The following OLFM3 variants were observed in gnomAD, a reference collection of about 807,000 sequenced individuals.
OLFM3 encodes olfactomedin 3.
Under a neutral mutation model 48.6 loss-of-function variants are expected in OLFM3, and 20 were observed. The ratio of observed to expected loss-of-function variants is 0.41; its 90% CI spans 0.29 to 0.60. The LOEUF (loss-of-function observed/expected upper bound fraction) is 0.60, where lower values mean the gene tolerates loss of function less well. OLFM3 is among the 20% of genes least tolerant of loss of function. The probability of loss-of-function intolerance (pLI) is 0.28; values close to 1 mark genes in which losing one functional copy is unlikely to be tolerated. For missense variants in OLFM3, 437 were observed against 544.3 expected (o/e 0.80, Z 1.96); for synonymous variants, 222 against 198.1 (o/e 1.12, Z -1.01).
chr1:101,947,367 T>C (rs1004401773), intron 1 of OLFM3, among the ~76,000 whole-genome samples: 8 of 152,186 alleles, frequency 5.3e-5, no homozygotes, highest in African/African-American at 1.9e-4. Context: ...CATGTAATTA[T>C]AGTTGAAGAG....
chr1:101,899,978 AC>A (rs1658338418), intron 1 of OLFM3, among the ~76,000 whole-genome samples: 1 of 152,132 alleles, frequency 6.6e-6, no homozygotes, highest in South Asian at 2.1e-4. Context: ...TCATATTATT[AC>A]CCTAGAATTA....
At position 101,821,012 on chromosome 1, in the gene OLFM3, T is replaced by C. The variant is rs569492577; in HGVS notation, c.592+4014A>G. ...TGTCCCACTCTAGATCTGAGCAGCA[T>C]AGCAACTGGATTATAGGCCCTTTTG... On this transcript the variant is annotated intron_variant, in intron 4 of 5. Transcript: ENST00000370103. 2.2e-4 allele frequency among the ~76,000 whole-genome samples: 34 copies of C among 152,186 alleles called. 1 individual carries two copies. The East Asian group carries it at 6.2e-3, about 28-fold the overall frequency.
At chr1:101,805,594 C>T (rs139561287) in intron 5 of OLFM3, among the ~76,000 whole-genome samples, 208 of 151,816 alleles carry the variant, frequency 1.4e-3, no homozygotes, top group African/African-American at 3.7e-3. Flanking sequence ...GAAGTTTCAG[C>T]GCTATTTCTT....
chr1:101,978,828 T>C (rs1661025105), intron 1 of OLFM3, among the ~76,000 whole-genome samples: 1 of 152,196 alleles, frequency 6.6e-6, no homozygotes, highest in Non-Finnish European at 1.5e-5. Flanking sequence ...CATAGGTCTT[T>C]TTTTTTCTTG....
intron 1 of OLFM3, among the ~76,000 whole-genome samples, chr1:101,895,914 AG>A (rs1181751932): frequency 6.6e-6 from 1 of 151,690 alleles, no homozygotes; most frequent in Non-Finnish European, 1.5e-5. Flanking sequence ...AAAGTTTTAA[AG>A]CCTAGAGCAG....
chr1:101,831,430 A>G (rs1655143075), intron 2 of OLFM3, among the ~76,000 whole-genome samples: 1 of 152,218 alleles, frequency 6.6e-6, no homozygotes, highest in South Asian at 2.1e-4. Context: ...CTTGGTAGAC[A>G]GGACTTAAAC....
chr1:101,893,535 C>A, intron 1 of OLFM3: 1 of 282,028 alleles, frequency 3.5e-6, no homozygotes, highest in South Asian at 4.9e-5. Context: ...AGGACTGGAG[C>A]CAGGAGATAT....
chr1:101,908,487 T>C (rs944412924), intron 1 of OLFM3, among the ~76,000 whole-genome samples: 1 of 152,138 alleles, frequency 6.6e-6, no homozygotes, highest in African/African-American at 2.4e-5. Flanking sequence ...ATGGAGCAAT[T>C]CTGCGCACAT....
At chr1:101,847,769 G>T (rs1363027973) in intron 1 of OLFM3, among the ~76,000 whole-genome samples, 1 of 152,170 alleles carries the variant, frequency 6.6e-6, no homozygotes, top group Non-Finnish European at 1.5e-5. Context: ...AGGAAACTCA[G>T]TTAACTCTAT....
intron 1 of OLFM3, among the ~76,000 whole-genome samples, chr1:101,897,321 T>C (rs576091953): frequency 3.3e-5 from 5 of 152,326 alleles, no homozygotes; most frequent in Admixed American, 2.0e-4. Flanking sequence ...ACTGTACTTA[T>C]AACAAAATAT....
At chr1:101,981,438 C>T (rs1487468725) in intron 1 of OLFM3, among the ~76,000 whole-genome samples, 2 of 152,202 alleles carry the variant, frequency 1.3e-5, no homozygotes, top group African/African-American at 4.8e-5. Flanking sequence ...TTAACAAAAA[C>T]AAACATGTCT....
intron 1 of OLFM3, among the ~76,000 whole-genome samples, chr1:101,988,709 G>C (rs1432737143): frequency 6.6e-6 from 1 of 151,978 alleles, no homozygotes; most frequent in African/African-American, 2.4e-5. Context: ...CACTGTGCTA[G>C]CTGCTAGATA....
At chr1:101,809,686 T>C (rs1294841210) in intron 4 of OLFM3, among the ~76,000 whole-genome samples, 1 of 151,760 alleles carries the variant, frequency 6.6e-6, no homozygotes, top group Non-Finnish European at 1.5e-5. Context: ...CAGAAATAAG[T>C]GGAATTGATA....
At chr1:101,959,772 T>A (rs1166207580) in intron 1 of OLFM3, among the ~76,000 whole-genome samples, 1 of 152,168 alleles carries the variant, frequency 6.6e-6, no homozygotes, top group Non-Finnish European at 1.5e-5. Context: ...CAGAATCTGT[T>A]AGTGATTGGA....
At chr1:101,955,777 A>G (rs1660269874) in intron 1 of OLFM3, among the ~76,000 whole-genome samples, 1 of 151,928 alleles carries the variant, frequency 6.6e-6, no homozygotes, top group Non-Finnish European at 1.5e-5. Flanking sequence ...TCAGATCAAT[A>G]TCTTCAGTCT....
chr1:101,961,450 A>T (rs1254190785), intron 1 of OLFM3, among the ~76,000 whole-genome samples: 1 of 151,986 alleles, frequency 6.6e-6, no homozygotes, highest in African/African-American at 2.4e-5. Flanking sequence ...TTGTTAGTGA[A>T]AAAGAGTAGA....
intron 2 of OLFM3, among the ~76,000 whole-genome samples, chr1:101,833,499 C>T (rs1209691867): frequency 6.6e-6 from 1 of 152,176 alleles, no homozygotes; most frequent in Non-Finnish European, 1.5e-5. Context: ...CTGCTATGTT[C>T]CCTCTTTTTG....
intron 1 of OLFM3, among the ~76,000 whole-genome samples, chr1:101,870,926 C>G (rs1391977070): frequency 6.6e-6 from 1 of 151,294 alleles, no homozygotes; most frequent in Non-Finnish European, 1.5e-5. Flanking sequence ...AACATTGATT[C>G]TTGACTTTAT....
chr1:101,894,084 T>A (rs1341805503), intron 1 of OLFM3: 1 of 154,126 alleles, frequency 6.5e-6, no homozygotes, highest in Non-Finnish European at 1.5e-5. Context: ...TGGCATTTTA[T>A]GGGCAGTAGT....
Sources: allele counts gnomAD v4.1 joint callset (sites outside exome capture counted in the v4.1 genomes callset), GRCh38; gene constraint gnomAD v4.1.1; transcripts MANE v1.5; gene names NCBI Gene and HGNC (gene_info 2026-07-23, HGNC 2026-07-21).